PCDH9: variants seen among roughly 807,000 people sequenced by gnomAD.
PCDH9 encodes the protein protocadherin-9.
Under a neutral mutation model 70.6 loss-of-function variants are expected in PCDH9, and 24 were observed. That is an observed-to-expected ratio of 0.34 (90% confidence interval 0.25 to 0.48). The LOEUF is 0.48. Ranked by LOEUF, PCDH9 falls within the 20% of genes least tolerant of loss-of-function variation. The probability of loss-of-function intolerance (pLI) is 0.99; values close to 1 mark genes in which losing one functional copy is unlikely to be tolerated. For missense variants in PCDH9, 1,281 were observed against 1,503.6 expected, an observed-to-expected ratio of 0.85 and a Z score of 2.45; for synonymous variants, 562 against 558.5, an observed-to-expected ratio of 1.01 and a Z score of -0.09.
intron 4 of PCDH9, among the ~76,000 whole-genome samples, chr13:66,306,595 C>A (rs761946689): frequency 1.3e-5 from 2 of 151,164 alleles, no homozygotes; most frequent in Non-Finnish European, 3.0e-5. Context: ...GGCTGAAATG[C>A]ACTATTTCAT....
At chr13:66,603,897 T>C (rs191512369) in intron 4 of PCDH9, among the ~76,000 whole-genome samples, 1 of 152,110 alleles carries the variant, frequency 6.6e-6, no homozygotes, top group East Asian at 1.9e-4. Context: ...AATATGCCTG[T>C]TTAATGAAAC....
At chr13:66,800,764 TA>T (rs2080313731) in intron 3 of PCDH9, among the ~76,000 whole-genome samples, 1 of 152,268 alleles carries the variant, frequency 6.6e-6, no homozygotes, top group South Asian at 2.1e-4. Flanking sequence ...TATCACAATA[TA>T]AGTCAAATTG....
intron 2 of PCDH9, among the ~76,000 whole-genome samples, chr13:67,087,398 G>A (rs1194703583): frequency 4.6e-5 from 7 of 151,946 alleles, no homozygotes; most frequent in East Asian, 3.9e-4. Context: ...CAAATATGTC[G>A]CAAACCCCAT....
chr13:66,478,494 T>A (rs936400816), intron 4 of PCDH9, among the ~76,000 whole-genome samples: 1 of 152,302 alleles, frequency 6.6e-6, no homozygotes, highest in South Asian at 2.1e-4. Context: ...ATTAGCAAGT[T>A]ATGAATGCAA....
intron 4 of PCDH9, among the ~76,000 whole-genome samples, chr13:66,465,321 G>A (rs997338756): frequency 2.0e-5 from 3 of 151,730 alleles, no homozygotes; most frequent in East Asian, 3.9e-4. Context: ...GAAATTTTGA[G>A]GGTCAAAAAA....
intron 4 of PCDH9, among the ~76,000 whole-genome samples, chr13:66,483,212 C>G (rs1958872943): frequency 6.6e-6 from 1 of 152,160 alleles, no homozygotes; most frequent in Admixed American, 6.5e-5. Context: ...ATTAGTTTCT[C>G]TGATTAGAGA....
At chr13:66,731,184 G>A (rs2079075213) in intron 3 of PCDH9, among the ~76,000 whole-genome samples, 2 of 151,900 alleles carry the variant, frequency 1.3e-5, no homozygotes, top group Admixed American at 1.3e-4. Flanking sequence ...GACAATCAGA[G>A]GCATAAATCT....
intron 3 of PCDH9, among the ~76,000 whole-genome samples, chr13:66,804,165 T>C (rs796894205): frequency 4.6e-5 from 7 of 152,334 alleles, no homozygotes; most frequent in Admixed American, 1.3e-4. Context: ...TAATTCTCTC[T>C]TGCTCTTCCC....
intron 4 of PCDH9, among the ~76,000 whole-genome samples, chr13:66,391,465 A>T (rs1462933698): frequency 6.6e-6 from 1 of 152,182 alleles, no homozygotes; most frequent in Non-Finnish European, 1.5e-5. Flanking sequence ...AAGTGTCAAC[A>T]AGTGTATCAA....
chr13:67,024,842 TA>T (rs1470524344), intron 2 of PCDH9, among the ~76,000 whole-genome samples: 2 of 152,148 alleles, frequency 1.3e-5, no homozygotes, highest in African/African-American at 4.8e-5. Context: ...TTTCCATATT[TA>T]AAAATAACAT....
In PCDH9 at chr13:67,227,936, G is replaced by C. The variant is rs748318819; in HGVS notation, c.505C>G (p.Pro169Ala). The change falls in exon 2 of 5, where the codon CCT becomes GCT. Residue 169 changes from proline (P) to alanine (A), a missense_variant. Transcript: ENST00000377865. The surrounding 1 kb of genome is among the most constrained non-coding windows in gnomAD (Gnocchi z 4.6). ...SRFPIPSATD[P>A]DTGFNGVQHY... The stretch of plus-strand genomic sequence containing the variant: ...TGTACACCATTGAAGCCTGTGTCAG[G>C]ATCTGTTGCTGATGGAATTGGAAAG... 6.2e-7 allele frequency: 1 copy of C among 1,614,124 alleles called. No homozygotes were observed. Among genetic ancestry groups the C allele is most frequent in the Non-Finnish European group, 8.5e-7 (1 of 1,180,046 alleles).
intron 3 of PCDH9, among the ~76,000 whole-genome samples, chr13:66,810,556 A>C (rs2080486616): frequency 6.6e-6 from 1 of 152,026 alleles, no homozygotes; most frequent in Non-Finnish European, 1.5e-5. Context: ...ATTAGCTATT[A>C]ATATTGCTTA....
intron 3 of PCDH9, among the ~76,000 whole-genome samples, chr13:66,727,755 T>C (rs2079024293): frequency 6.6e-6 from 1 of 152,148 alleles, no homozygotes; most frequent in Non-Finnish European, 1.5e-5. Flanking sequence ...ATGTTTGATA[T>C]TGAAATTAAT....
intron 2 of PCDH9, among the ~76,000 whole-genome samples, chr13:66,951,272 C>T (rs1199051349): frequency 8.6e-5 from 13 of 152,028 alleles, no homozygotes; most frequent in African/African-American, 3.1e-4. Context: ...GGTGAAGATA[C>T]ATAGTGACAC....
Position 66,476,295 on chromosome 13 carries a change from A to T in PCDH9, c.3340+154915T>A, listed in dbSNP as rs117467410. 8.2e-3 allele frequency among the ~76,000 whole-genome samples: 695 copies of T among 84,264 alleles called. 29 individuals are homozygous for T. The East Asian group carries it at 0.18, about 21-fold the overall frequency. 55.3% of individuals were successfully genotyped at this position (84,264 alleles called of 152,430 possible). ...CTTATCTGAAGGCTCCTCCCTCAAC[A>T]GGAAAATTACATTTTAAAAAAATCA... On this transcript the variant is annotated intron_variant, in intron 4 of 4. Coordinates refer to ENST00000377865, the MANE Select transcript of PCDH9 (RefSeq NM_203487.3).
At chr13:66,469,553 G>T (rs563619974) in intron 4 of PCDH9, among the ~76,000 whole-genome samples, 40 of 152,070 alleles carry the variant, frequency 2.6e-4, no homozygotes, top group African/African-American at 8.4e-4. Context: ...GCTGCAAAAT[G>T]GATTCATTTT....
In PCDH9 at chr13:66,585,377, G is replaced by A. The variant is rs191743569; in HGVS notation, c.3340+45833C>T. Among the ~76,000 whole-genome samples the A allele has an allele frequency of 6.8e-4, 104 of 151,846 alleles. 1 individual carries two copies. The highest frequency in any genetic ancestry group is 2.3e-3 in the African/African-American group (96 of 41,432). ...TACCATCCCCCCCAAAAAATCTGACGCAATTAAAATTAATGTAAAGGTATA... is the reference window on the plus strand; with the variant it reads ...TACCATCCCCCCCAAAAAATCTGACACAATTAAAATTAATGTAAAGGTATA... On this transcript the variant is annotated intron_variant, in intron 4 of 4. Coordinates refer to ENST00000377865, the MANE Select transcript of PCDH9 (RefSeq NM_203487.3).
chr13:66,574,629 A>G lies in PCDH9; in HGVS notation c.3340+56581T>C, dbSNP rs1458666077. Reference sequence around the variant, plus strand: ...ATGCATCTTTCAAAAAGATGAAATCATATCTGTCCTCAGAAATAATTTATT... The same window carrying G: ...ATGCATCTTTCAAAAAGATGAAATCGTATCTGTCCTCAGAAATAATTTATT... On this transcript the variant is annotated intron_variant, in intron 4 of 4. Transcript: ENST00000377865. Among the ~76,000 whole-genome samples, 4 of 152,214 alleles carry G rather than the reference A, an allele frequency of 2.6e-5. No homozygotes were observed. In the East Asian group the frequency reaches 5.8e-4, roughly 22 times the overall value.
chr13:66,508,599 T>A (rs1435494289), intron 4 of PCDH9, among the ~76,000 whole-genome samples: 1 of 152,152 alleles, frequency 6.6e-6, no homozygotes, highest in Non-Finnish European at 1.5e-5. Context: ...TACCACTTAG[T>A]CAAGCTTTCA....
Sources: gnomAD v4.1 joint callset for allele counts (sites outside exome capture counted in the v4.1 genomes callset) on GRCh38, gnomAD v4.1.1 for gene constraint, Gnocchi (gnomAD v3.1) non-coding constraint, MANE v1.5 for transcripts, NCBI Gene and HGNC (gene_info 2026-07-23, HGNC 2026-07-21) for gene names.